The following CATSPER1 variants were observed in gnomAD, a reference collection of about 807,000 sequenced individuals.
CATSPER1 encodes the protein cation channel sperm-associated protein 1.
CATSPER1 carries 57 observed loss-of-function variants against 72.7 expected under a neutral mutation model. That is an observed-to-expected ratio of 0.78 (90% CI 0.63 to 0.98). CATSPER1 has a LOEUF of 0.98. Ranked by LOEUF, CATSPER1 falls within the 50% of genes least tolerant of loss-of-function variation. The pLI, the probability that CATSPER1 is intolerant of heterozygous loss-of-function variation, is 0.00. For synonymous variants in CATSPER1, 363 were observed against 403.0 expected, an observed-to-expected ratio of 0.90 and a Z score of 1.19; for missense variants, 910 against 1,033.9, an observed-to-expected ratio of 0.88 and a Z score of 1.64.
chr11:66,020,921 C>T lies in CATSPER1; in HGVS notation c.1817G>A (p.Arg606His), dbSNP rs773852447. 1.9e-5 allele frequency: 30 copies of T among 1,613,896 alleles called. No individual in the cohort carries two copies. The highest frequency in any genetic ancestry group is 1.4e-4 in the South Asian group (13 of 91,084). The change falls in exon 6 of 12, where the codon CGC becomes CAC. Residue 606 changes from arginine (R) to histidine (H), a missense_variant. Transcript: ENST00000312106. This position sits in a 1 kb window ranked among gnomAD's most constrained non-coding sequence, Gnocchi z 4.5. ...LFSAVLRALF[R>H]KSDPKRFQNI... ...CTGGAAGCGCTTGGGGTCAGATTTG[C>T]GGAACAGTGCCCGGAGGACCGCGGA...
rs1458949914 is a variant in CATSPER1 at position 66,020,820 on chromosome 11, G to A, written c.1918C>T (p.Arg640Cys). 7.4e-6 allele frequency: 12 copies of A among 1,613,632 alleles called. No homozygotes were observed. Among genetic ancestry groups the A allele is most frequent in the South Asian group, 4.4e-5 (4 of 91,082 alleles). The change falls in exon 6 of 12, where the codon CGT becomes TGT. Residue 640 changes from arginine (R) to cysteine (C), a missense_variant. By Grantham distance (180) the Arg-to-Cys change is radical (BLOSUM62 -3). Transcript: ENST00000312106. The surrounding 1 kb of genome is among the most constrained non-coding windows in gnomAD (Gnocchi z 4.5). ...CTGGGGCCTGCCCTACCCTGGGCAC[G>A]GCTGTCCATGTAGATGAGGGACCAG... Reference protein sequence around the residue: ...DDWSLIYMDSRAQGAWYIIPI... With the variant: ...DDWSLIYMDSCAQGAWYIIPI...
intron 1 of CATSPER1, among the ~76,000 whole-genome samples, chr11:66,023,413 G>C (rs918596869): frequency 6.6e-6 from 1 of 152,138 alleles, no homozygotes; most frequent in Non-Finnish European, 1.5e-5. Context: ...GCTCAGGGCT[G>C]TCCCCAGCAC....
Position 66,017,165 on chromosome 11 carries a change from C to CAGG in CATSPER1, c.2210_2211insCCT (p.Glu737delinsAspLeu). On this transcript the variant is annotated protein_altering_variant, in exon 11 of 12. Coordinates refer to ENST00000312106, the MANE Select transcript of CATSPER1 (RefSeq NM_053054.4). The stretch of plus-strand genomic sequence containing the variant: ...CCAGCTGCAGGTAATGGAACAGGAG[C>CAGG]TCCTGCTGCCTGCGGGTGGGCGGGG... The CAGG allele has an allele frequency of 1.6e-6, 2 of 1,246,998 alleles. No homozygotes were observed. The highest frequency in any genetic ancestry group is 2.2e-6 in the Non-Finnish European group (2 of 903,496). The allele number at this position is 1,246,998 out of a possible 1,614,324, so 77.2% of individuals were successfully genotyped here.
chr11:66,021,006 C>T lies in CATSPER1; in HGVS notation c.1784-52G>A, dbSNP rs1856355625. On this transcript the variant is annotated intron_variant, in intron 5 of 11. Transcript: ENST00000312106. ...CTCCAGTGCTATCCCCACCCCAGCGCCCCTCGTCCTGCCCCATCCCTGCTC... is the reference window on the plus strand; with the variant it reads ...CTCCAGTGCTATCCCCACCCCAGCGTCCCTCGTCCTGCCCCATCCCTGCTC... The T allele has an allele frequency of 3.7e-6, 6 of 1,611,918 alleles. No homozygotes were observed. In the South Asian group the frequency reaches 5.5e-5, roughly 15 times the overall value.
At chr11:66,021,925 T>G in intron 2 of CATSPER1, 46 bp from the exon 3 acceptor site, 1 of 1,419,644 alleles carries the variant, frequency 7.0e-7, no homozygotes, top group Non-Finnish European at 1.0e-6. Context: ...CAGCACCCAG[T>G]GCCCTCTCTC....
At position 66,020,625 on chromosome 11, in the gene CATSPER1, C is replaced by T. The variant is rs766294676; in HGVS notation, c.1930G>A (p.Ala644Thr). 15 of 1,611,980 alleles carry T rather than the reference C, an allele frequency of 9.3e-6. No individual in the cohort carries two copies. The highest frequency in any genetic ancestry group is 3.3e-5 in the South Asian group (3 of 90,562). ...ACGAGGATGGGAATGATGTACCAGG[C>T]GCCTAGGGGGAGCAGGCCAGAGGGC... ...LIYMDSRAQG[A>T]WYIIPILVIY... Residue 644 changes from alanine to threonine, a missense_variant and splice_region_variant, in exon 7 of 12, where the codon GCC becomes ACC. Ala to Thr is a moderately conservative substitution (Grantham distance 58, BLOSUM62 0). Transcript: ENST00000312106. This position sits in a 1 kb window ranked among gnomAD's most constrained non-coding sequence, Gnocchi z 4.5.
In CATSPER1 at chr11:66,025,794, C is replaced by A. The variant is rs1183724777; in HGVS notation, c.586G>T (p.Ala196Ser). ...TGTTGGAGCCCGCTAAGGTGGGAAG[C>A]CTCGCTGTGGTGGAAGGACTCACTG... The part of the protein sequence containing the change: ...PYSESFHHSE[A>S]SHLSGLQHDE... The change falls in exon 1 of 12, where the codon GCT (alanine) becomes TCT (serine). Residue 196 changes from alanine (A) to serine (S), a missense_variant. Coordinates refer to ENST00000312106, the MANE Select transcript of CATSPER1 (RefSeq NM_053054.4). 6.2e-7 allele frequency: 1 copy of A among 1,613,084 alleles called. No individual in the cohort carries two copies. The highest frequency in any genetic ancestry group is 1.1e-5 in the South Asian group (1 of 91,034).
rs1320500135 is a variant in CATSPER1 at position 66,020,230 on chromosome 11, A to C, written c.2065-30T>G. On this transcript the variant is annotated intron_variant, in intron 8 of 11. Transcript: ENST00000312106. The surrounding 1 kb of genome is among the most constrained non-coding windows in gnomAD (Gnocchi z 4.5). Reference sequence around the variant, plus strand: ...GAAGAAGAGGCCTCAGATCTGCCAGAGTCCCAGGCCTGCTCAACCCTGGAG... The same window carrying C: ...GAAGAAGAGGCCTCAGATCTGCCAGCGTCCCAGGCCTGCTCAACCCTGGAG... The C allele has an allele frequency of 6.2e-7, 1 of 1,614,018 alleles. No homozygotes were observed. The highest frequency in any genetic ancestry group is 1.1e-5 in the South Asian group (1 of 91,082).
In CATSPER1 at chr11:66,026,133, C is replaced by T. The variant is rs369350459; in HGVS notation, c.247G>A (p.Glu83Lys). 1.3e-5 allele frequency: 21 copies of T among 1,607,094 alleles called. No homozygotes were observed. The highest frequency in any genetic ancestry group is 5.3e-5 in the African/African-American group (4 of 74,858). The stretch of plus-strand genomic sequence containing the variant: ...TGGGCTCTGCCGTGATTCCGTGCCT[C>T]GCTGTGGTGGTGAGATTGGTGGACA... ...SHVHQSHHHS[E>K]ARNHGRAHGP... Residue 83 changes from glutamate to lysine, a missense_variant, in exon 1 of 12, where the codon GAG becomes AAG. Coordinates refer to ENST00000312106, the MANE Select transcript of CATSPER1 (RefSeq NM_053054.4).
intron 10 of CATSPER1, 103 bp downstream of exon 10, chr11:66,018,724 C>A: frequency 7.8e-7 from 1 of 1,287,776 alleles, no homozygotes; most frequent in Non-Finnish European, 1.1e-6. Flanking sequence ...CGCTCCATCC[C>A]CTTCTAGAGG....
At position 66,026,074 on chromosome 11, in the gene CATSPER1, T is replaced by C. The variant is rs767305833; in HGVS notation, c.306A>G (p.Gln102=). The C allele has an allele frequency of 8.7e-6, 14 of 1,613,008 alleles. No homozygotes were observed. The highest frequency in any genetic ancestry group is 7.7e-5 in the South Asian group (7 of 91,038). ...AGGAACGGTGGGAGGGGACGGCGCC[T>C]TGAGAGGGAGCCAGACCAAAGCCTG... ...GPTGFGLAPS[Q]GAVPSHRSYG... is the part of the protein sequence containing the mutation. Residue 102 remains glutamine (Q), a synonymous_variant, in exon 1 of 12, where the codon CAA becomes CAG. Transcript: ENST00000312106.
chr11:66,023,315 C>T (rs1292308739), intron 1 of CATSPER1, among the ~76,000 whole-genome samples: 1 of 150,674 alleles, frequency 6.6e-6, no homozygotes, highest in East Asian at 2.0e-4. Flanking sequence ...GTCTCGAACT[C>T]CTGGCCTCCA....
At position 66,021,507 on chromosome 11, in the gene CATSPER1, C is replaced by T. The variant is rs1276744722; in HGVS notation, c.1680G>A (p.Leu560=). Residue 560 remains leucine (L), a synonymous_variant, in exon 4 of 12, where the codon CTG becomes CTA. Transcript: ENST00000312106. ...SLRALRAIRV[L]RRLSFLTSVQ... is the part of the protein sequence containing the mutation. ...CCGTGGCCACTGACCTGAGCCTCCG[C>T]AGGACCCGGATTGCCCTCAGGGCCC... The T allele has an allele frequency of 6.2e-7, 1 of 1,613,536 alleles. No homozygotes were observed. Among genetic ancestry groups the T allele is most frequent in the South Asian group, 1.1e-5 (1 of 91,072 alleles).
chr11:66,019,005 G>GGCTGCTCCAGGAGGTT, intron 9 of CATSPER1, 103 bp from the exon 10 acceptor site: 1 of 971,510 alleles, frequency 1.0e-6, no homozygotes, highest in Non-Finnish European at 1.6e-6. Context: ...TTTCTGGCCA[G>GGCTGCTCCAGGAGGTT]GCTGCTCCAG....
At chr11:66,024,832 G>A (rs531967493) in intron 1 of CATSPER1, among the ~76,000 whole-genome samples, 1 of 152,288 alleles carries the variant, frequency 6.6e-6, no homozygotes, top group East Asian at 1.9e-4. Context: ...TGGGCCCCTC[G>A]AGGGCAGCGA....
Position 66,020,652 on chromosome 11 carries a change from CAGTCAGGCTGTG to C in CATSPER1, c.1928-37_1928-26del. ...CCTAGGGGGAGCAGGCCAGAGGGCA[CAGTCAGGCTGTG>C]CTCGCCACCCCCAACCACGACCTGC... is the stretch of plus-strand genomic sequence containing the variant. On this transcript the variant is annotated intron_variant, in intron 6 of 11. Coordinates refer to ENST00000312106, the MANE Select transcript of CATSPER1 (RefSeq NM_053054.4). This position sits in a 1 kb window ranked among gnomAD's most constrained non-coding sequence, Gnocchi z 4.5. 1.2e-6 allele frequency: 2 copies of C among 1,607,918 alleles called. No individual in the cohort carries two copies. The highest frequency in any genetic ancestry group is 1.7e-6 in the Non-Finnish European group (2 of 1,175,892).
intron 10 of CATSPER1, among the ~76,000 whole-genome samples, chr11:66,017,694 C>T (rs748016016): frequency 3.1e-4 from 47 of 152,200 alleles, no homozygotes; most frequent in Non-Finnish European, 5.6e-4. Flanking sequence ...CTTGTCAACC[C>T]ATTCATCAAA....
intron 10 of CATSPER1, among the ~76,000 whole-genome samples, chr11:66,018,594 G>A (rs570814809): frequency 6.6e-6 from 1 of 152,212 alleles, no homozygotes; most frequent in South Asian, 2.1e-4. Flanking sequence ...TGGTTCTGGG[G>A]TGAAGGAATG....
rs1216942963 is a variant in CATSPER1, at chr11:66,026,080, G to A, written c.300C>T (p.Pro100=). ...GGTGGGAGGGGACGGCGCCTTGAGA[G>A]GGAGCCAGACCAAAGCCTGTGGGGC... ...AHGPTGFGLA[P]SQGAVPSHRS... The change falls in exon 1 of 12, where the codon CCC becomes CCT. Residue 100 remains proline, a synonymous_variant. Transcript: ENST00000312106. The A allele has an allele frequency of 6.2e-7, 1 of 1,613,738 alleles. No homozygotes were observed.
Sources: gnomAD v4.1 joint callset for allele counts (sites outside exome capture counted in the v4.1 genomes callset) on GRCh38, gnomAD v4.1.1 for gene constraint, Gnocchi (gnomAD v3.1) non-coding constraint, MANE v1.5 for transcripts, NCBI Gene and HGNC (gene_info 2026-07-23, HGNC 2026-07-21) for gene names.